The following WWTR1 variants were observed in gnomAD, a reference collection of about 807,000 sequenced individuals.
WWTR1 encodes WW domain containing transcription regulator 1, also known as WW domain-containing transcription regulator protein 1.
WWTR1 carries 13 observed loss-of-function variants against 40.1 expected under a neutral mutation model. That is an observed-to-expected ratio of 0.32 (90% CI 0.21 to 0.52). The LOEUF is 0.52. Ranked by LOEUF, WWTR1 falls within the 20% of genes least tolerant of loss-of-function variation. The probability of loss-of-function intolerance (pLI) is 0.97; values close to 1 mark genes in which losing one functional copy is unlikely to be tolerated. For missense variants in WWTR1, 436 were observed against 523.1 expected (o/e 0.83, Z 1.63); for synonymous variants, 230 against 210.1 (o/e 1.09, Z -0.82).
At chr3:149,606,644 G>A (rs1327771450) in intron 2 of WWTR1, among the ~76,000 whole-genome samples, 1 of 152,170 alleles carries the variant, frequency 6.6e-6, no homozygotes, top group East Asian at 1.9e-4. Flanking sequence ...TGAGAATAGA[G>A]TGATGGGCAA....
At chr3:149,615,398 A>G (rs1739925950) in intron 2 of WWTR1, among the ~76,000 whole-genome samples, 1 of 152,232 alleles carries the variant, frequency 6.6e-6, no homozygotes, top group Admixed American at 6.5e-5. Flanking sequence ...TTACAAATTT[A>G]AAACATTTCT....
chr3:149,635,726 C>T (rs1289277674), intron 2 of WWTR1, among the ~76,000 whole-genome samples: 1 of 152,164 alleles, frequency 6.6e-6, no homozygotes, highest in African/African-American at 2.4e-5. Flanking sequence ...GAAATGGGCT[C>T]TCCTTCTGGG....
At chr3:149,682,704 A>T (rs1231479577) in intron 1 of WWTR1, among the ~76,000 whole-genome samples, 1 of 152,220 alleles carries the variant, frequency 6.6e-6, no homozygotes, top group Non-Finnish European at 1.5e-5. Flanking sequence ...GGTTTCAAAA[A>T]GTATAGTCTA....
At chr3:149,580,736 C>A (rs375741360) in intron 2 of WWTR1, among the ~76,000 whole-genome samples, 1 of 152,190 alleles carries the variant, frequency 6.6e-6, no homozygotes, top group African/African-American at 2.4e-5. Flanking sequence ...CTTTAGCCTC[C>A]CAAGTAGCTG....
Position 149,657,024 on chromosome 3 carries a change from G to T in WWTR1, c.283C>A (p.Gln95Lys). ...VRSHSSPASLQLGTGAGAAGS... is the reference protein window; with the variant it reads ...VRSHSSPASLKLGTGAGAAGS... ...GCAGCACCCGCGCCGGTGCCCAGCT[G>T]CAGGGACGCGGGCGACGAGTGCGAG... is the stretch of plus-strand genomic sequence containing the variant. The change falls in exon 2 of 7, where the codon CAG becomes AAG. Residue 95 changes from glutamine to lysine, a missense_variant. Physicochemically the swap from Gln to Lys is moderately conservative, Grantham distance 53. Coordinates refer to ENST00000360632, the MANE Select transcript of WWTR1 (RefSeq NM_015472.6). The T allele has an allele frequency of 1.9e-6, 3 of 1,591,954 alleles. No individual in the cohort carries two copies. Among genetic ancestry groups the T allele is most frequent in the Non-Finnish European group, 2.6e-6 (3 of 1,174,072 alleles).
upstream of WWTR1, among the ~76,000 whole-genome samples, chr3:149,706,914 A>G (rs1715347644): frequency 6.6e-6 from 1 of 152,208 alleles, no homozygotes; most frequent in African/African-American, 2.4e-5. Flanking sequence ...TGCCAAAACT[A>G]CAATAAGGTT....
intron 2 of WWTR1, among the ~76,000 whole-genome samples, chr3:149,638,949 G>A (rs1238831165): frequency 1.3e-5 from 2 of 152,166 alleles, no homozygotes; most frequent in African/African-American, 2.4e-5. Flanking sequence ...AAACACCGCA[G>A]AGGCTAGCTC....
chr3:149,676,948 C>T (rs35545647), intron 1 of WWTR1, among the ~76,000 whole-genome samples: 3,021 of 150,808 alleles, frequency 0.02, 47 homozygotes, highest in Non-Finnish European at 0.033. Flanking sequence ...GACGGAGTTT[C>T]CCTCTTGTTA....
chr3:149,632,576 C>T (rs1711597279), intron 2 of WWTR1, among the ~76,000 whole-genome samples: 1 of 152,190 alleles, frequency 6.6e-6, no homozygotes, highest in African/African-American at 2.4e-5. Context: ...CTGTTGGCAA[C>T]TGTAGAAGCC....
At chr3:149,602,973 T>G (rs994363657) in intron 2 of WWTR1, among the ~76,000 whole-genome samples, 4 of 150,282 alleles carry the variant, frequency 2.7e-5, no homozygotes, top group African/African-American at 1.0e-4. Flanking sequence ...AAAGCCTAAT[T>G]TTAAAGCCAA....
chr3:149,517,736 C>A lies in WWTR1; in HGVS notation c.*3069G>T, dbSNP rs1303057023. On this transcript the variant is annotated 3_prime_UTR_variant, in exon 7 of 7. Transcript: ENST00000360632. Reference sequence around the variant, plus strand: ...ATGGCATTTCACATCCTAAATAATACGGTGAAACACTGTCTAAAAATTACT... The same window carrying A: ...ATGGCATTTCACATCCTAAATAATAAGGTGAAACACTGTCTAAAAATTACT... 1 of 152,102 alleles carries A rather than the reference C, an allele frequency of 6.6e-6. No homozygotes were observed. Among genetic ancestry groups the A allele is most frequent in the Admixed American group, 6.5e-5 (1 of 15,270 alleles). 9.4% of individuals were successfully genotyped at this position (152,102 alleles called of 1,614,324 possible). A position where few individuals can be genotyped will look rare whatever the true frequency, so the allele number is the denominator to read the frequency against.
chr3:149,611,482 G>C (rs1474931532), intron 2 of WWTR1, among the ~76,000 whole-genome samples: 1 of 152,226 alleles, frequency 6.6e-6, no homozygotes, highest in Non-Finnish European at 1.5e-5. Flanking sequence ...CAGAAAGTTT[G>C]CCTATCCCTG....
At chr3:149,701,549 A>G (rs529898279) in intron 1 of WWTR1, 1 of 181,076 alleles carries the variant, frequency 5.5e-6, no homozygotes, top group Non-Finnish European at 1.2e-5. Flanking sequence ...CTGTTTTCTA[A>G]GAAACGTATG....
At chr3:149,667,495 C>T (rs1197913930) in intron 2 of WWTR1, among the ~76,000 whole-genome samples, 1 of 151,230 alleles carries the variant, frequency 6.6e-6, no homozygotes, top group Non-Finnish European at 1.5e-5. Context: ...TTGCAGTGAG[C>T]TCAGATCGTG....
At chr3:149,527,731 A>T in intron 5 of WWTR1, 105 bp downstream of exon 5, 2 of 1,512,976 alleles carry the variant, frequency 1.3e-6, no homozygotes, top group Non-Finnish European at 1.8e-6. Flanking sequence ...CTCACCCTCA[A>T]CCCTCAAGCT....
At chr3:149,648,363 T>C (rs1216009977) in intron 2 of WWTR1, among the ~76,000 whole-genome samples, 1 of 151,804 alleles carries the variant, frequency 6.6e-6, no homozygotes, top group Non-Finnish European at 1.5e-5. Flanking sequence ...AGTTAAGCAA[T>C]GCCAAGCAAG....
intron 1 of WWTR1, among the ~76,000 whole-genome samples, chr3:149,690,866 C>G (rs1473907718): frequency 6.6e-6 from 1 of 152,062 alleles, no homozygotes; most frequent in Non-Finnish European, 1.5e-5. Flanking sequence ...ATTTATTAGG[C>G]TATGAAAACA....
intron 2 of WWTR1, among the ~76,000 whole-genome samples, chr3:149,651,169 T>C (rs1712842198): frequency 6.6e-6 from 1 of 152,216 alleles, no homozygotes. Flanking sequence ...AACAGCTACA[T>C]TATACTGTCA....
rs755578307 is a variant in WWTR1 at position 149,572,930 on chromosome 3, G to A, written c.502C>T (p.Leu168Phe). The part of the protein sequence containing the change: ...AMNQPLNHMN[L>F]HPAVSSTPVP... ...GGTGTGGAACTGACGGCAGGGTGGAGGTTCATATGATTCAGAGGCTGATTC... is the reference window on the plus strand; with the variant it reads ...GGTGTGGAACTGACGGCAGGGTGGAAGTTCATATGATTCAGAGGCTGATTC... Residue 168 changes from leucine to phenylalanine, a missense_variant, in exon 3 of 7, where the codon CTC (leucine) becomes TTC (phenylalanine). Leu to Phe is a conservative substitution (Grantham distance 22). Transcript: ENST00000360632. The A allele has an allele frequency of 1.4e-5, 23 of 1,613,842 alleles. 1 individual carries two copies. The South Asian group carries it at 2.3e-4, about 16-fold the overall frequency.
Sources: gnomAD v4.1 joint callset for allele counts (sites outside exome capture counted in the v4.1 genomes callset) on GRCh38, gnomAD v4.1.1 for gene constraint, MANE v1.5 for transcripts, NCBI Gene and HGNC (gene_info 2026-07-23, HGNC 2026-07-21) for gene names.